The following ABLIM3 variants were observed in gnomAD, a reference collection of about 807,000 sequenced individuals.
ABLIM3 encodes the protein actin-binding LIM protein 3.
A neutral mutation model predicts 109.5 loss-of-function variants in ABLIM3; 61 were observed. That is an observed-to-expected ratio of 0.56 (90% CI 0.45 to 0.69). The LOEUF (loss-of-function observed/expected upper bound fraction) is 0.69. Ranked by LOEUF, ABLIM3 falls within the 30% of genes least tolerant of loss-of-function variation. The pLI is 0.00. For synonymous variants in ABLIM3, 300 were observed against 324.8 expected (o/e 0.92, Z 0.82); for missense variants, 796 against 889.5 (o/e 0.89, Z 1.34).
intron 7 of ABLIM3, among the ~76,000 whole-genome samples, chr5:149,211,321 C>T (rs1759534478): frequency 1.3e-5 from 2 of 152,132 alleles, no homozygotes. Flanking sequence ...ATGACTCCTT[C>T]TGCAGTGACA....
chr5:149,172,555 C>T (rs1755537524), intron 2 of ABLIM3, among the ~76,000 whole-genome samples: 1 of 152,198 alleles, frequency 6.6e-6, no homozygotes, highest in South Asian at 2.1e-4. Flanking sequence ...CATGTGACTT[C>T]CCTCAGATGG....
intron 2 of ABLIM3, among the ~76,000 whole-genome samples, chr5:149,175,769 GTCTA>G (rs1211912661): frequency 6.6e-6 from 1 of 152,130 alleles, no homozygotes; most frequent in Non-Finnish European, 1.5e-5. Flanking sequence ...ACCCCTTTAG[GTCTA>G]TCTAACCCAA....
chr5:149,217,419 T>C (rs200718942), intron 8 of ABLIM3: 1 of 242,140 alleles, frequency 4.1e-6, no homozygotes, highest in Admixed American at 5.0e-5. Flanking sequence ...GTCTATAGCA[T>C]CACAGCCTCT....
chr5:149,224,147 G>T (rs999225261), intron 8 of ABLIM3, among the ~76,000 whole-genome samples: 20 of 152,044 alleles, frequency 1.3e-4, no homozygotes, highest in African/African-American at 4.3e-4. Context: ...TGTGACACAA[G>T]GCCTGGTATC....
chr5:149,225,231 A>ACCTCTATCTAGTTCC (rs70973510), intron 8 of ABLIM3, among the ~76,000 whole-genome samples: 47,380 of 152,048 alleles, frequency 0.31, 8,951 homozygotes, highest in East Asian at 0.59. Context: ...AATGTTGTAC[A>ACCTCTATCTAGTTCC]ACCCCCACCT....
intron 7 of ABLIM3, chr5:149,216,522 CT>C (rs35846248): frequency 0.018 from 2,729 of 151,366 alleles, 71 homozygotes; most frequent in African/African-American, 0.057. Context: ...CTGAAAAGAT[CT>C]TTTTTTTTTT....
At chr5:149,210,430 T>G (rs1247324143) in intron 6 of ABLIM3, among the ~76,000 whole-genome samples, 1 of 152,186 alleles carries the variant, frequency 6.6e-6, no homozygotes. Context: ...TTAGTGGCTA[T>G]TAGTCATAGG....
intron 4 of ABLIM3, chr5:149,199,097 C>T (rs753584955): frequency 8.8e-6 from 4 of 456,596 alleles, no homozygotes; most frequent in African/African-American, 6.0e-5. Flanking sequence ...CCTTCCGCAT[C>T]ACCATCACTT....
In ABLIM3 at chr5:149,259,561, A is replaced by C; in HGVS notation, c.*1157A>C. On this transcript the variant is annotated 3_prime_UTR_variant, in exon 24 of 24. Coordinates refer to ENST00000309868, the MANE Select transcript of ABLIM3 (RefSeq NM_014945.5). ...TGTTTCACAGGGAAACTTTTGGAAGAGTGGCTGCTTATGAGATTCCAAAAT... is the reference window on the plus strand; with the variant it reads ...TGTTTCACAGGGAAACTTTTGGAAGCGTGGCTGCTTATGAGATTCCAAAAT... 1 of 1,536,212 alleles carries C rather than the reference A, an allele frequency of 6.5e-7. No individual in the cohort carries two copies. Among genetic ancestry groups the C allele is most frequent in the Non-Finnish European group, 8.7e-7 (1 of 1,146,934 alleles).
intron 2 of ABLIM3, among the ~76,000 whole-genome samples, chr5:149,169,151 G>A (rs1204919747): frequency 3.1e-5 from 4 of 129,488 alleles, no homozygotes; most frequent in Non-Finnish European, 4.5e-5. Context: ...AGCTGGTCCA[G>A]AAAGCTTTCC....
At chr5:149,155,468 G>A (rs547560243) in intron 2 of ABLIM3, among the ~76,000 whole-genome samples, 78 of 152,310 alleles carry the variant, frequency 5.1e-4, no homozygotes, top group Non-Finnish European at 7.3e-4. Context: ...AAACCATGGC[G>A]GGTGCTGAGA....
intron 2 of ABLIM3, among the ~76,000 whole-genome samples, chr5:149,145,246 G>A (rs1752808757): frequency 6.6e-6 from 1 of 152,080 alleles, no homozygotes; most frequent in African/African-American, 2.4e-5. Context: ...TGCAGTATTT[G>A]GTTTTATGTT....
intron 2 of ABLIM3, among the ~76,000 whole-genome samples, chr5:149,164,956 G>A (rs189362614): frequency 4.6e-5 from 7 of 152,266 alleles, no homozygotes; most frequent in Non-Finnish European, 7.4e-5. Context: ...ACTGTGAATC[G>A]AGGCTTCCAT....
At position 149,239,250 on chromosome 5, in the gene ABLIM3, G is replaced by T. The variant is rs141295193; in HGVS notation, c.1047G>T (p.Ser349=). Residue 349 remains serine (S), a splice_region_variant and synonymous_variant, in exon 12 of 24, where the codon TCG becomes TCT. Transcript: ENST00000309868. ...CCTTCAAACTCTTCACTTCTAAGTC[G>T]CTGGGAACATTATCTCCCTACTCCC... is the stretch of plus-strand genomic sequence containing the variant. ...EMLERCGYGE[S]LGTLSPYSQD... is the part of the protein sequence containing the mutation. 5.0e-6 allele frequency: 8 copies of T among 1,613,798 alleles called. No individual in the cohort carries two copies. In the African/African-American group the frequency reaches 8.0e-5, roughly 16 times the overall value.
intron 2 of ABLIM3, among the ~76,000 whole-genome samples, chr5:149,169,963 C>A (rs1220073621): frequency 6.6e-6 from 1 of 152,180 alleles, no homozygotes; most frequent in African/African-American, 2.4e-5. Flanking sequence ...CTAACTCAAA[C>A]TAGCTCCTAT....
intron 3 of ABLIM3, among the ~76,000 whole-genome samples, chr5:149,197,594 A>G (rs992169148): frequency 3.9e-5 from 6 of 152,164 alleles, no homozygotes; most frequent in Admixed American, 2.0e-4. Flanking sequence ...CACAGATTCT[A>G]GACTTCAAAT....
At chr5:149,207,809 G>T (rs187350690) in intron 6 of ABLIM3, among the ~76,000 whole-genome samples, 155 of 152,332 alleles carry the variant, frequency 1.0e-3, no homozygotes, top group Admixed American at 2.8e-3. Context: ...ATGAGAGGAG[G>T]TGATGGGTGC....
At chr5:149,248,034 C>A (rs2304610) in intron 18 of ABLIM3, 105 bp downstream of exon 18, 639,830 of 1,388,386 alleles carry the variant, frequency 0.46, 151,100 homozygotes, top group East Asian at 0.53. Flanking sequence ...AGGCACAGCC[C>A]ATGCATCCTC....
intron 6 of ABLIM3, among the ~76,000 whole-genome samples, 185 bp downstream of exon 6, chr5:149,207,319 C>G (rs1759089488): frequency 6.6e-6 from 1 of 152,094 alleles, no homozygotes; most frequent in Admixed American, 6.5e-5. Context: ...GGGGGTTTCC[C>G]TCTGCCTGAG....
Sources: allele counts gnomAD v4.1 joint callset (sites outside exome capture counted in the v4.1 genomes callset), GRCh38; gene constraint gnomAD v4.1.1; transcripts MANE v1.5; gene names NCBI Gene and HGNC (gene_info 2026-07-23, HGNC 2026-07-21).